Variants in ZSWIM6 observed in about 807,000 individuals in gnomAD.
ZSWIM6 encodes zinc finger SWIM domain-containing protein 6.
ZSWIM6 carries 9 observed loss-of-function variants against 113.2 expected under a neutral mutation model. That is an observed-to-expected ratio of 0.08 (90% confidence interval 0.05 to 0.14). The LOEUF is 0.14. ZSWIM6 is among the 10% of genes least tolerant of loss of function. The pLI is 1.00. For missense variants in ZSWIM6, 1,162 were observed against 1,552.2 expected (o/e 0.75, Z 4.22); for synonymous variants, 611 against 606.5 (o/e 1.01, Z -0.11).
At chr5:61,461,613 G>A (rs1174846752) in intron 1 of ZSWIM6, among the ~76,000 whole-genome samples, 1 of 152,184 alleles carries the variant, frequency 6.6e-6, no homozygotes, top group Non-Finnish European at 1.5e-5. Flanking sequence ...AGGCAGAGCT[G>A]TACTGATGAC....
chr5:61,340,303 G>A (rs1296908134), intron 1 of ZSWIM6, among the ~76,000 whole-genome samples: 1 of 152,096 alleles, frequency 6.6e-6, no homozygotes. Flanking sequence ...TGCGGAATTC[G>A]CTTAACTAAT....
At chr5:61,390,724 T>C in intron 1 of ZSWIM6, 1 of 796,562 alleles carries the variant, frequency 1.3e-6, no homozygotes, top group Non-Finnish European at 2.3e-6. Context: ...ATGAATGCTG[T>C]CTTCTCCTCC....
At chr5:61,374,091 A>C (rs1431152659) in intron 1 of ZSWIM6, among the ~76,000 whole-genome samples, 1 of 152,186 alleles carries the variant, frequency 6.6e-6, no homozygotes, top group Non-Finnish European at 1.5e-5. Context: ...TTCTGTAGGA[A>C]TGTTGGAGTA....
At chr5:61,379,099 C>G (rs759873936) in intron 1 of ZSWIM6, among the ~76,000 whole-genome samples, 1 of 146,494 alleles carries the variant, frequency 6.8e-6, no homozygotes, top group Non-Finnish European at 1.5e-5. Context: ...GAGGATTGCC[C>G]GAACCCAGGA....
intron 1 of ZSWIM6, among the ~76,000 whole-genome samples, chr5:61,398,274 T>C (rs1020987010): frequency 6.6e-6 from 1 of 152,146 alleles, no homozygotes; most frequent in Non-Finnish European, 1.5e-5. Flanking sequence ...TTCTGATTCT[T>C]ATAGGAGGGT....
rs537865191 is a variant in ZSWIM6, at chr5:61,532,927, T to A, written c.2245+1202T>A. Among the ~76,000 whole-genome samples, 6 of 152,376 alleles carry A rather than the reference T, an allele frequency of 3.9e-5. No homozygotes were observed. In the South Asian group the frequency reaches 1.0e-3, roughly 26 times the overall value. On this transcript the variant is annotated intron_variant, in intron 9 of 13. Coordinates refer to ENST00000252744, the MANE Select transcript of ZSWIM6 (RefSeq NM_020928.2). ...TCATTAGTCACAAGCATTTTTTAAA[T>A]GCTTTCTGTCACTGACTATACTGAC...
intron 1 of ZSWIM6, chr5:61,375,839 G>C: frequency 5.1e-6 from 5 of 984,258 alleles, no homozygotes; most frequent in Non-Finnish European, 7.9e-6. Flanking sequence ...GCTAGTTCAA[G>C]TCCTGACTCA....
chr5:61,338,838 T>G (rs909662330), intron 1 of ZSWIM6, among the ~76,000 whole-genome samples: 7 of 152,234 alleles, frequency 4.6e-5, no homozygotes, highest in Non-Finnish European at 8.8e-5. Flanking sequence ...TTCATCTATT[T>G]TGCGGTTGTG....
chr5:61,420,829 CTT>C (rs1027740271), intron 1 of ZSWIM6, among the ~76,000 whole-genome samples: 11 of 152,092 alleles, frequency 7.2e-5, no homozygotes, highest in African/African-American at 2.4e-4. Flanking sequence ...CTGTTATACT[CTT>C]TTAGTTATTT....
chr5:61,391,102 T>C, intron 1 of ZSWIM6: 1 of 747,280 alleles, frequency 1.3e-6, no homozygotes. Flanking sequence ...GGCAGGATGC[T>C]GTGTCCCAGT....
intron 1 of ZSWIM6, among the ~76,000 whole-genome samples, chr5:61,395,633 T>A (rs116561142): frequency 0.028 from 4,311 of 152,298 alleles, 206 homozygotes; most frequent in African/African-American, 0.097. Flanking sequence ...AACACTTGGT[T>A]AAAAATTTCT....
chr5:61,332,832 G>T lies in ZSWIM6; in HGVS notation c.560G>T (p.Gly187Val). Residue 187 changes from glycine (G) to valine (V), a missense_variant, in exon 1 of 14, where the codon GGG becomes GTG. By Grantham distance (109) the Gly-to-Val change is moderately radical (BLOSUM62 -3). This residue lies in a region of ZSWIM6 where 333 missense variants were observed against 293.4 expected (regional missense o/e 1.13). Transcript: ENST00000252744. ...GCCGCCGCCGCCGCCGCGGGGGCCG[G>T]GGCCCCGTCGGTGGGGGCTGCCGGG... Reference protein sequence around the residue: ...AAAAAAAAGAGAPSVGAAGAA... With the variant: ...AAAAAAAAGAVAPSVGAAGAA... The T allele has an allele frequency of 2.0e-6, 2 of 1,000,300 alleles. No homozygotes were observed. Among genetic ancestry groups the T allele is most frequent in the South Asian group, 8.5e-5 (2 of 23,402 alleles). The allele number at this position is 1,000,300 out of a possible 1,614,324, so 62.0% of individuals were successfully genotyped here. A position where few individuals can be genotyped will look rare whatever the true frequency, so the allele number is the denominator to read the frequency against.
At chr5:61,486,528 C>T (rs1363140079) in intron 2 of ZSWIM6, among the ~76,000 whole-genome samples, 1 of 152,088 alleles carries the variant, frequency 6.6e-6, no homozygotes, top group African/African-American at 2.4e-5. Context: ...TACTGTTTTC[C>T]ATAGATGTTA....
chr5:61,496,619 C>T (rs975070866), intron 4 of ZSWIM6, among the ~76,000 whole-genome samples: 26 of 152,094 alleles, frequency 1.7e-4, no homozygotes, highest in African/African-American at 5.8e-4. Flanking sequence ...GTGTTTTCTG[C>T]AGGCTTCTGG....
intron 1 of ZSWIM6, among the ~76,000 whole-genome samples, chr5:61,435,754 AT>A (rs1202138842): frequency 6.6e-6 from 1 of 152,148 alleles, no homozygotes; most frequent in East Asian, 1.9e-4. Flanking sequence ...TATAAGGTTC[AT>A]TTTTGGTGGT....
intron 1 of ZSWIM6, among the ~76,000 whole-genome samples, chr5:61,422,431 A>T (rs910632422): frequency 6.6e-6 from 1 of 152,110 alleles, no homozygotes; most frequent in Non-Finnish European, 1.5e-5. Context: ...CTAAGTGTCT[A>T]TTTTTATGCT....
rs181823959 is a variant in ZSWIM6 at position 61,539,815 on chromosome 5, C to T, written c.2703+56C>T. 1.4e-5 allele frequency: 20 copies of T among 1,480,502 alleles called. No individual in the cohort carries two copies. The Admixed American group carries it at 4.0e-4, about 29-fold the overall frequency. The allele number at this position is 1,480,502 out of a possible 1,614,324, so 91.7% of individuals were successfully genotyped here. A position where few individuals can be genotyped will look rare whatever the true frequency, so the allele number is the denominator to read the frequency against. On this transcript the variant is annotated intron_variant, in intron 12 of 13. Transcript: ENST00000252744. Reference sequence around the variant, plus strand: ...CAAAGACTGCTAAATAAAGGCACCTCTTAGGGTTGTTTTTGTTTGATTGGA... The same window carrying T: ...CAAAGACTGCTAAATAAAGGCACCTTTTAGGGTTGTTTTTGTTTGATTGGA...
At chr5:61,537,256 G>T (rs1749600088) in intron 10 of ZSWIM6, among the ~76,000 whole-genome samples, 1 of 152,164 alleles carries the variant, frequency 6.6e-6, no homozygotes, top group Admixed American at 6.5e-5. Flanking sequence ...GTTTCTTAAT[G>T]GGGAATACTA....
chr5:61,509,157 T>C (rs1324824929), intron 4 of ZSWIM6, among the ~76,000 whole-genome samples: 1 of 152,160 alleles, frequency 6.6e-6, no homozygotes, highest in Non-Finnish European at 1.5e-5. Context: ...GTCAATATTA[T>C]AGGAAAGAGT....
Sources: allele counts gnomAD v4.1 joint callset (sites outside exome capture counted in the v4.1 genomes callset), GRCh38; gene constraint gnomAD v4.1.1; regional missense constraint gnomAD v4.1.1; transcripts MANE v1.5; gene names NCBI Gene and HGNC (gene_info 2026-07-23, HGNC 2026-07-21).